The following MAP2K3 variants were observed in gnomAD, a reference collection of about 807,000 sequenced individuals.
MAP2K3 encodes the protein dual specificity mitogen-activated protein kinase kinase 3.
MAP2K3 carries 30 observed loss-of-function variants against 46.4 expected under a neutral mutation model. The ratio of observed to expected loss-of-function variants is 0.65; its 90% confidence interval spans 0.48 to 0.88. MAP2K3 has a LOEUF of 0.88. Among genes scored for constraint, MAP2K3 ranks in the 40% least tolerant of loss-of-function variants. The pLI, the probability that MAP2K3 is intolerant of heterozygous loss-of-function variation, is 0.00. For missense variants in MAP2K3, 380 were observed against 464.5 expected, an observed-to-expected ratio of 0.82 and a Z score of 1.67; for synonymous variants, 189 against 176.3, an observed-to-expected ratio of 1.07 and a Z score of -0.57.
intron 8 of MAP2K3, 147 bp downstream of exon 8, chr17:21,304,700 T>A (rs1473736904): frequency 6.6e-6 from 9 of 1,365,214 alleles, no homozygotes; most frequent in Non-Finnish European, 8.9e-6. Context: ...CACCTGTGTC[T>A]TGCTGCCCAG....
At chr17:21,292,875 G>A (rs1321101159) in intron 1 of MAP2K3, among the ~76,000 whole-genome samples, 1 of 152,312 alleles carries the variant, frequency 6.6e-6, no homozygotes, top group African/African-American at 2.4e-5. Flanking sequence ...ATCCTGCTGA[G>A]GACCTGCAGG....
At chr17:21,285,127 C>T in intron 1 of MAP2K3, 158 bp downstream of exon 1, 3 of 853,776 alleles carry the variant, frequency 3.5e-6, no homozygotes, top group Non-Finnish European at 4.2e-6. Context: ...CGGGACCAGC[C>T]CCCGCCTGGG....
intron 1 of MAP2K3, 53 bp from the exon 2 acceptor site, chr17:21,298,360 G>A (rs750614116): frequency 5.4e-5 from 87 of 1,611,618 alleles, no homozygotes; most frequent in Non-Finnish European, 3.6e-5. Flanking sequence ...GGGAGTGCAG[G>A]GGACATTGAT....
chr17:21,305,764 G>T (rs1976862727), intron 9 of MAP2K3, among the ~76,000 whole-genome samples: 1 of 152,312 alleles, frequency 6.6e-6, no homozygotes. Flanking sequence ...GGATTGGAGG[G>T]ATGGGAAGAC....
intron 1 of MAP2K3, 166 bp from the exon 2 acceptor site, chr17:21,298,246 CT>C: frequency 1.0e-6 from 1 of 1,000,160 alleles, no homozygotes; most frequent in Non-Finnish European, 1.6e-6. Flanking sequence ...GGTGGGCCTC[CT>C]TCCCCCTTTG....
intron 1 of MAP2K3, chr17:21,295,961 CTG>C: frequency 8.0e-7 from 1 of 1,253,896 alleles, no homozygotes; most frequent in Non-Finnish European, 1.0e-6. Flanking sequence ...CCCAGGGTCT[CTG>C]TGCAGAGCTT....
At chr17:21,295,645 C>T (rs767064822) in intron 1 of MAP2K3, 3 of 1,289,270 alleles carry the variant, frequency 2.3e-6, no homozygotes, top group South Asian at 2.5e-5. Context: ...GCCTGTGGCC[C>T]TCCTGATGCA....
intron 1 of MAP2K3, among the ~76,000 whole-genome samples, chr17:21,292,804 C>A (rs925909806): frequency 6.6e-6 from 1 of 152,304 alleles, no homozygotes; most frequent in Non-Finnish European, 1.5e-5. Flanking sequence ...CATTTTCTTT[C>A]TCACACTGCT....
chr17:21,304,682 A>C (rs1050845232), intron 8 of MAP2K3, 129 bp downstream of exon 8: 40 of 1,428,156 alleles, frequency 2.8e-5, no homozygotes, highest in Non-Finnish European at 3.6e-5. Flanking sequence ...TTCCTGCTGT[A>C]GTGGGGCCAC....
At chr17:21,307,788 C>T (rs11657248) in intron 9 of MAP2K3, among the ~76,000 whole-genome samples, 41,965 of 136,050 alleles carry the variant, frequency 0.31, 1,807 homozygotes, top group African/African-American at 0.43. Context: ...AGTGATTCTC[C>T]TGTCTCAGCC....
chr17:21,293,084 A>G (rs950242293), intron 1 of MAP2K3, among the ~76,000 whole-genome samples: 2 of 152,308 alleles, frequency 1.3e-5, no homozygotes, highest in Non-Finnish European at 2.9e-5. Flanking sequence ...GTAGGTATTC[A>G]CTAAATGTTA....
chr17:21,301,105 A>C, intron 5 of MAP2K3, 112 bp downstream of exon 5: 5 of 1,561,012 alleles, frequency 3.2e-6, no homozygotes, highest in Non-Finnish European at 4.4e-6. Flanking sequence ...CACCTGGCAT[A>C]CTGGCAGGAG....
intron 9 of MAP2K3, among the ~76,000 whole-genome samples, chr17:21,305,504 G>A (rs1198357440): frequency 6.6e-6 from 1 of 152,290 alleles, no homozygotes; most frequent in Admixed American, 6.5e-5. Context: ...GTTTGTTGTC[G>A]GTGGCGTCCT....
At chr17:21,302,575 G>A (rs1004294722) in intron 6 of MAP2K3, among the ~76,000 whole-genome samples, 1 of 152,310 alleles carries the variant, frequency 6.6e-6, no homozygotes, top group Non-Finnish European at 1.5e-5. Flanking sequence ...TTACAACAGC[G>A]TCATACTAAA....
chr17:21,303,284 C>T, intron 7 of MAP2K3, 50 bp downstream of exon 7: 1 of 1,612,336 alleles, frequency 6.2e-7, no homozygotes, highest in South Asian at 1.1e-5. Context: ...GGGAGGGATC[C>T]CAGGCCAAGG....
At chr17:21,306,796 T>A (rs1381714627) in intron 9 of MAP2K3, among the ~76,000 whole-genome samples, 1 of 152,146 alleles carries the variant, frequency 6.6e-6, no homozygotes, top group Non-Finnish European at 1.5e-5. Flanking sequence ...CATGGAGAGG[T>A]TTTTTGTGAG....
At chr17:21,303,913 A>G (rs1976742987) in intron 7 of MAP2K3, among the ~76,000 whole-genome samples, 2 of 152,310 alleles carry the variant, frequency 1.3e-5, no homozygotes, top group African/African-American at 4.8e-5. Context: ...TTCCATCTTT[A>G]CACACATCCC....
At chr17:21,294,908 A>G (rs1468809334) in intron 1 of MAP2K3, among the ~76,000 whole-genome samples, 1 of 152,310 alleles carries the variant, frequency 6.6e-6, no homozygotes, top group Non-Finnish European at 1.5e-5. Context: ...AGTTGAGCCC[A>G]GGCCTTGGCT....
chr17:21,300,258 G>C (rs896351616), intron 3 of MAP2K3, among the ~76,000 whole-genome samples: 1 of 152,312 alleles, frequency 6.6e-6, no homozygotes, highest in Admixed American at 6.5e-5. Context: ...GAGGGACAGG[G>C]CACCTCTTTC....
Sources: gnomAD v4.1 joint callset for allele counts (sites outside exome capture counted in the v4.1 genomes callset) on GRCh38, gnomAD v4.1.1 for gene constraint, MANE v1.5 for transcripts, NCBI Gene and HGNC (gene_info 2026-07-23, HGNC 2026-07-21) for gene names.